The following BMP2K variants were observed in gnomAD, a reference collection of about 807,000 sequenced individuals.
BMP2K encodes BMP-2-inducible protein kinase.
BMP2K carries 74 observed loss-of-function variants against 116.0 expected under a neutral mutation model. The observed-to-expected ratio is 0.64, with a 90% CI of 0.53 to 0.77. BMP2K has a LOEUF of 0.77. Ranked by LOEUF, BMP2K falls within the 30% of genes least tolerant of loss-of-function variation. The pLI, the probability that BMP2K is intolerant of heterozygous loss-of-function variation, is 0.00. For missense variants in BMP2K, 1,365 were observed against 1,403.6 expected (o/e 0.97, Z 0.44); for synonymous variants, 486 against 502.5 (o/e 0.97, Z 0.44).
chr4:78,877,751 C>G (rs1323486193), intron 13 of BMP2K, among the ~76,000 whole-genome samples: 2 of 152,154 alleles, frequency 1.3e-5, no homozygotes, highest in Non-Finnish European at 1.5e-5. Context: ...TATTGCTATA[C>G]TTTTATACAA....
intron 11 of BMP2K, among the ~76,000 whole-genome samples, chr4:78,871,395 A>G (rs1732348480): frequency 6.6e-6 from 1 of 152,176 alleles, no homozygotes; most frequent in South Asian, 2.1e-4. Context: ...TGGAAAGGTG[A>G]TATTAGGCTT....
chr4:78,833,553 C>T (rs1451434933), intron 2 of BMP2K, 29 bp from the exon 3 acceptor site: 1 of 1,396,350 alleles, frequency 7.2e-7, no homozygotes, highest in African/African-American at 1.6e-5. Context: ...TGTACATTTT[C>T]CAGTTTTCAT....
intron 15 of BMP2K, among the ~76,000 whole-genome samples, chr4:78,887,692 C>G (rs368278782): frequency 6.6e-6 from 1 of 152,032 alleles, no homozygotes; most frequent in Non-Finnish European, 1.5e-5. Context: ...TTACTCTTGT[C>G]TTCTTATATC....
chr4:78,787,378 T>C (rs995688845), intron 1 of BMP2K, among the ~76,000 whole-genome samples: 4 of 152,232 alleles, frequency 2.6e-5, no homozygotes, highest in African/African-American at 7.2e-5. Flanking sequence ...TCTGTTATGG[T>C]TATATGTATA....
At chr4:78,839,824 T>C (rs970343579) in intron 3 of BMP2K, among the ~76,000 whole-genome samples, 1 of 152,122 alleles carries the variant, frequency 6.6e-6, no homozygotes, top group African/African-American at 2.4e-5. Context: ...TCTTTTCCTG[T>C]TCTTCTGCCT....
Position 78,911,218 on chromosome 4 carries a change from G to C in BMP2K, c.2671G>C (p.Glu891Gln). Residue 891 changes from glutamate (E) to glutamine (Q), a missense_variant, in exon 16 of 16, where the codon GAG becomes CAG. By Grantham distance (29) the Glu-to-Gln change is conservative. This residue lies in a region of BMP2K where 596 missense variants were observed against 623.2 expected (regional missense o/e 0.96). Transcript: ENST00000502613. ...PQHRFPAAGL[E>Q]QEEFDVFTKA... ...ACACAGGTTTCCTGCTGCAGGACTG[G>C]AGCAGGAGGAATTTGATGTATTCAC... 6.2e-7 allele frequency: 1 copy of C among 1,613,890 alleles called. No homozygotes were observed. The highest frequency in any genetic ancestry group is 8.5e-7 in the Non-Finnish European group (1 of 1,179,828).
In BMP2K at chr4:78,870,949, GCAGCAACAGCAACAGCAGCAGCAGCAA is replaced by G. The variant is rs767150309; in HGVS notation, c.1410_1436del (p.Gln478_Gln486del). ...CTCACCAGCAGCAGCAGCAGCAGCA[GCAGCAACAGCAACAGCAGCAGCAGCAA>G]CAGCAACAGCAGCAGCAGCAGCAGC... On this transcript the variant is annotated inframe_deletion, in exon 11 of 16. Transcript: ENST00000502613. The G allele has an allele frequency of 3.1e-6, 5 of 1,610,332 alleles. No homozygotes were observed. The highest frequency in any genetic ancestry group is 2.7e-5 in the African/African-American group (2 of 74,048).
chr4:78,900,825 TTGTATCAATAATC>T (rs1733960446), intron 15 of BMP2K, among the ~76,000 whole-genome samples: 1 of 152,234 alleles, frequency 6.6e-6, no homozygotes, highest in South Asian at 2.1e-4. Context: ...AATCAAATAA[TTGTATCAATAATC>T]TGTTTGCTAT....
chr4:78,845,675 G>C (rs1354586047), intron 5 of BMP2K, among the ~76,000 whole-genome samples: 1 of 151,590 alleles, frequency 6.6e-6, no homozygotes, highest in Non-Finnish European at 1.5e-5. Flanking sequence ...GTAAATTTTA[G>C]GTTATCTTAA....
At chr4:78,845,905 A>G (rs1387614847) in intron 5 of BMP2K, among the ~76,000 whole-genome samples, 1 of 151,648 alleles carries the variant, frequency 6.6e-6, no homozygotes, top group African/African-American at 2.4e-5. Flanking sequence ...ACATACTACT[A>G]CTCAGGAAAC....
chr4:78,844,688 C>T (rs1730913709), intron 4 of BMP2K, among the ~76,000 whole-genome samples: 1 of 151,498 alleles, frequency 6.6e-6, no homozygotes, highest in South Asian at 2.1e-4. Flanking sequence ...TTTTTGCTCC[C>T]ATTCATTTGA....
intron 15 of BMP2K, among the ~76,000 whole-genome samples, chr4:78,895,078 T>C (rs1733633561): frequency 2.0e-5 from 3 of 152,130 alleles, no homozygotes; most frequent in Admixed American, 2.0e-4. Flanking sequence ...GATCACAGGG[T>C]CACCGTAACA....
intron 14 of BMP2K, among the ~76,000 whole-genome samples, chr4:78,882,671 C>G (rs1560544235): frequency 6.6e-6 from 1 of 151,828 alleles, no homozygotes; most frequent in Admixed American, 6.6e-5. Flanking sequence ...TTAATTAAAA[C>G]TATTACTTCA....
At chr4:78,906,454 G>A (rs1173050199) in intron 15 of BMP2K, among the ~76,000 whole-genome samples, 1 of 152,146 alleles carries the variant, frequency 6.6e-6, no homozygotes, top group Non-Finnish European at 1.5e-5. Flanking sequence ...AAAGCACAAA[G>A]GTGGTATAGA....
chr4:78,892,778 CA>C (rs1467792916), intron 15 of BMP2K, among the ~76,000 whole-genome samples: 1 of 151,952 alleles, frequency 6.6e-6, no homozygotes, highest in Non-Finnish European at 1.5e-5. Flanking sequence ...GTTAAGTATG[CA>C]ATAATATTAT....
chr4:78,820,673 G>A (rs1180527464), intron 1 of BMP2K: 1 of 152,588 alleles, frequency 6.6e-6, no homozygotes. Context: ...CTGGGTTCAA[G>A]CAATTCTCCT....
At chr4:78,842,658 G>A (rs996563041) in intron 4 of BMP2K, 131 bp downstream of exon 4, 18 of 761,116 alleles carry the variant, frequency 2.4e-5, no homozygotes, top group African/African-American at 2.0e-4. Flanking sequence ...CATTTCCTGA[G>A]GTCATGTAAA....
chr4:78,852,349 T>A (rs185327867), intron 7 of BMP2K, among the ~76,000 whole-genome samples: 12 of 152,256 alleles, frequency 7.9e-5, no homozygotes, highest in Admixed American at 7.2e-4. Flanking sequence ...AATTTAATCA[T>A]GTATTATGTC....
In BMP2K at chr4:78,870,976, A is replaced by G. The variant is rs1033519382; in HGVS notation, c.1425A>G (p.Gln475=). 24 of 1,608,548 alleles carry G rather than the reference A, an allele frequency of 1.5e-5. No homozygotes were observed. Among genetic ancestry groups the G allele is most frequent in the East Asian group, 4.5e-5 (2 of 44,792 alleles). ...AGCAACAGCAACAGCAGCAGCAGCA[A>G]CAGCAACAGCAGCAGCAGCAGCAGC... ...QQQQQQQQQQ[Q]QQQQQQQQQQ... is the part of the protein sequence containing the mutation. Residue 475 remains glutamine (Q), a synonymous_variant, in exon 11 of 16, where the codon CAA becomes CAG. Coordinates refer to ENST00000502613, the MANE Select transcript of BMP2K (RefSeq NM_198892.2).
Sources: gnomAD v4.1 joint callset for allele counts (sites outside exome capture counted in the v4.1 genomes callset) on GRCh38, gnomAD v4.1.1 for gene constraint, gnomAD v4.1.1 regional missense constraint, MANE v1.5 for transcripts, NCBI Gene and HGNC (gene_info 2026-07-23, HGNC 2026-07-21) for gene names.